Variants in PROSER1 observed in about 807,000 individuals in gnomAD.
PROSER1 encodes proline and serine-rich protein 1.
Under a neutral mutation model 71.8 loss-of-function variants are expected in PROSER1, and 36 were observed. The ratio of observed to expected loss-of-function variants is 0.50; its 90% confidence interval spans 0.38 to 0.66. The LOEUF (loss-of-function observed/expected upper bound fraction) is 0.66. PROSER1 is among the 30% of genes least tolerant of loss of function. PROSER1 has a pLI of 0.00. For synonymous variants in PROSER1, 490 were observed against 452.4 expected (o/e 1.08, Z -1.06); for missense variants, 1,107 against 1,135.0 (o/e 0.98, Z 0.35).
chr13:39,037,395 G>C lies in PROSER1; in HGVS notation c.-153C>G. 1.6e-6 allele frequency: 1 copy of C among 606,126 alleles called. No individual in the cohort carries two copies. The highest frequency in any genetic ancestry group is 3.0e-6 in the Non-Finnish European group (1 of 337,546). The allele number at this position is 606,126 out of a possible 1,614,324, so 37.5% of individuals were successfully genotyped here. On this transcript the variant is annotated 5_prime_UTR_variant, in exon 1 of 13. Coordinates refer to ENST00000352251, the MANE Select transcript of PROSER1 (RefSeq NM_025138.5). Reference sequence around the variant, plus strand: ...AGGATGCGAAGAGGTAGAGAGTATTGCAAACTTCGCAAAAAAAATTTCTAA... The same window carrying C: ...AGGATGCGAAGAGGTAGAGAGTATTCCAAACTTCGCAAAAAAAATTTCTAA...
chr13:39,029,818 A>T (rs969527695), intron 3 of PROSER1, among the ~76,000 whole-genome samples: 1 of 150,838 alleles, frequency 6.6e-6, no homozygotes, highest in African/African-American at 2.4e-5. Context: ...ATATTACAAA[A>T]AAAGGTTACA....
At position 39,014,013 on chromosome 13, in the gene PROSER1, A is replaced by G; in HGVS notation, c.1239T>C (p.Ser413=). 1 of 1,614,172 alleles carries G rather than the reference A, an allele frequency of 6.2e-7. No homozygotes were observed. The highest frequency in any genetic ancestry group is 8.5e-7 in the Non-Finnish European group (1 of 1,180,008). ...FTSLPFSTSS[S]AASTSNPNSA... ...AATTTGGGTTGCTGGTAGAAGCAGC[A>G]GAAGAGCTGGTGGAAAAGGGGAGGC... Residue 413 remains serine, a synonymous_variant, in exon 11 of 13, where the codon TCT becomes TCC. Transcript: ENST00000352251.
intron 1 of PROSER1, among the ~76,000 whole-genome samples, chr13:39,034,815 T>G (rs1470103965): frequency 6.6e-6 from 1 of 152,220 alleles, no homozygotes; most frequent in Non-Finnish European, 1.5e-5. Context: ...CTCAAAGAAT[T>G]ACTATGAAGA....
intron 7 of PROSER1, chr13:39,023,414 C>T (rs996807609): frequency 1.2e-5 from 3 of 256,358 alleles, no homozygotes; most frequent in African/African-American, 2.2e-5. Context: ...CAGCAAACTC[C>T]TCCCAGGCCC....
At chr13:39,027,484 G>A (rs1476945894) in intron 5 of PROSER1, among the ~76,000 whole-genome samples, 2 of 152,074 alleles carry the variant, frequency 1.3e-5, no homozygotes, top group East Asian at 3.9e-4. Context: ...CACTTCATAA[G>A]AAAGAAAACT....
At chr13:39,018,238 C>T (rs1439874983) in intron 9 of PROSER1, among the ~76,000 whole-genome samples, 1 of 152,074 alleles carries the variant, frequency 6.6e-6, no homozygotes, top group African/African-American at 2.4e-5. Context: ...TCCAAACAGC[C>T]CATCAGCCAA....
intron 3 of PROSER1, among the ~76,000 whole-genome samples, chr13:39,030,042 C>G (rs1212842901): frequency 1.3e-5 from 2 of 152,128 alleles, no homozygotes; most frequent in Non-Finnish European, 2.9e-5. Flanking sequence ...TTAAAAGCAA[C>G]ATCAACATAA....
chr13:39,011,812 ATTC>A (rs979235442), intron 12 of PROSER1, among the ~76,000 whole-genome samples: 1 of 152,246 alleles, frequency 6.6e-6, no homozygotes, highest in African/African-American at 2.4e-5. Context: ...TCATGAATAG[ATTC>A]TTAAATTTTA....
Position 39,022,342 on chromosome 13 carries a change from A to G in PROSER1, c.714T>C (p.Pro238=). 1.2e-6 allele frequency: 2 copies of G among 1,608,772 alleles called. No individual in the cohort carries two copies. Among genetic ancestry groups the G allele is most frequent in the Non-Finnish European group, 1.7e-6 (2 of 1,175,220 alleles). The change falls in exon 9 of 13, where the codon CCT becomes CCC. Residue 238 remains proline (P), a synonymous_variant. Coordinates refer to ENST00000352251, the MANE Select transcript of PROSER1 (RefSeq NM_025138.5). Reference sequence around the variant, plus strand: ...ACATTTTACCTGTTCCTACAGGATTAGGAGTATATGGAGGTGGAGGTGGAG... The same window carrying G: ...ACATTTTACCTGTTCCTACAGGATTGGGAGTATATGGAGGTGGAGGTGGAG... The part of the protein sequence containing the change: ...VIAPPPPPYT[P]NPVGTENEDL...
At chr13:39,035,216 G>T (rs531878147) in intron 1 of PROSER1, among the ~76,000 whole-genome samples, 14 of 152,238 alleles carry the variant, frequency 9.2e-5, no homozygotes, top group African/African-American at 3.4e-4. Flanking sequence ...GTATTCCTAG[G>T]AGTTTTATTA....
chr13:39,015,992 T>C (rs1435399916), intron 10 of PROSER1, among the ~76,000 whole-genome samples: 2 of 152,200 alleles, frequency 1.3e-5, no homozygotes, highest in African/African-American at 4.8e-5. Context: ...CACTATCTTA[T>C]TTATTAAACT....
In PROSER1 at chr13:39,014,123, C is replaced by T. The variant is rs777473570; in HGVS notation, c.1129G>A (p.Ala377Thr). The T allele has an allele frequency of 5.6e-6, 9 of 1,612,732 alleles. No homozygotes were observed. Among genetic ancestry groups the T allele is most frequent in the Admixed American group, 1.7e-5 (1 of 59,900 alleles). Reference sequence around the variant, plus strand: ...GTAGGTCCTGGGGTAGGAGTGGCTGCGGTAGGAGTGGCAGAAGGACCTGGC... The same window carrying T: ...GTAGGTCCTGGGGTAGGAGTGGCTGTGGTAGGAGTGGCAGAAGGACCTGGC... Reference protein sequence around the residue: ...SLPGPSATPTAATPTPGPTPR... With the variant: ...SLPGPSATPTTATPTPGPTPR... The change falls in exon 11 of 13, where the codon GCA (alanine) becomes ACA (threonine). Residue 377 changes from alanine to threonine, a missense_variant. Ala to Thr is a moderately conservative substitution (Grantham distance 58). Coordinates refer to ENST00000352251, the MANE Select transcript of PROSER1 (RefSeq NM_025138.5).
chr13:39,017,804 T>C (rs2138107208), intron 9 of PROSER1: 1 of 338,716 alleles, frequency 3.0e-6, no homozygotes. Flanking sequence ...CTAGCATCTC[T>C]ACCTTAGCTT....
chr13:39,034,390 G>C (rs77703633), intron 1 of PROSER1, among the ~76,000 whole-genome samples, 194 bp from the exon 2 acceptor site: 2,417 of 152,184 alleles, frequency 0.016, 72 homozygotes, highest in African/African-American at 0.054. Context: ...ATACTGTGAG[G>C]GACACACTGA....
At chr13:39,027,057 T>C (rs1870580230) in intron 5 of PROSER1, among the ~76,000 whole-genome samples, 1 of 145,184 alleles carries the variant, frequency 6.9e-6, no homozygotes, top group Non-Finnish European at 1.5e-5. Context: ...AATGTATCTA[T>C]ATTATGTTAT....
chr13:39,034,266 A>C, intron 1 of PROSER1, 70 bp from the exon 2 acceptor site: 1 of 1,301,668 alleles, frequency 7.7e-7, no homozygotes, highest in East Asian at 2.6e-5. Flanking sequence ...AGTAATATAC[A>C]TCTATCAAAA....
Position 39,012,218 on chromosome 13 carries a change from A to G in PROSER1, c.2577T>C (p.Leu859=). ...LVAQAGLSSG[L]QAAGSSVFPG... is the part of the protein sequence containing the mutation. ...GAAAAACAGAACTGCCTGCAGCTTG[A>G]AGTCCAGATGATAAACTAAAACAAT... Residue 859 remains leucine (L), a synonymous_variant, in exon 12 of 13, where the codon CTT becomes CTC. Transcript: ENST00000352251. The G allele has an allele frequency of 6.2e-7, 1 of 1,614,140 alleles. No individual in the cohort carries two copies.
In PROSER1 at chr13:39,013,217, TAGAGG is replaced by T; in HGVS notation, c.2030_2034del (p.Ser677TyrfsTer38). On this transcript the variant is annotated frameshift_variant, in exon 11 of 13. Coordinates refer to ENST00000352251, the MANE Select transcript of PROSER1 (RefSeq NM_025138.5). LOFTEE classifies it high-confidence loss of function. ...GAGGAACCATGTGGTGGAAGGGAAATAGAGGAAAGAGGATTTGAACCATTTAAAGG... is the reference window on the plus strand; with the variant it reads ...GAGGAACCATGTGGTGGAAGGGAAATAAAGAGGATTTGAACCATTTAAAGG... 1 of 1,613,556 alleles carries T rather than the reference TAGAGG, an allele frequency of 6.2e-7. No homozygotes were observed. The highest frequency in any genetic ancestry group is 8.5e-7 in the Non-Finnish European group (1 of 1,179,888).
intron 4 of PROSER1, 23 bp from the exon 5 acceptor site, chr13:39,028,343 CTT>C: frequency 7.0e-7 from 1 of 1,436,852 alleles, no homozygotes; most frequent in Non-Finnish European, 9.8e-7. Context: ...CACAATTTAG[CTT>C]TTTGTTTAAA....
Sources: allele counts gnomAD v4.1 joint callset (sites outside exome capture counted in the v4.1 genomes callset), GRCh38; gene constraint gnomAD v4.1.1; transcripts MANE v1.5; gene names NCBI Gene and HGNC (gene_info 2026-07-23, HGNC 2026-07-21).